ATF7IP2: variants seen among roughly 807,000 people sequenced by gnomAD.
The protein encoded by ATF7IP2 is activating transcription factor 7-interacting protein 2.
Under a neutral mutation model 64.2 loss-of-function variants are expected in ATF7IP2, and 42 were observed. The observed-to-expected ratio is 0.65, with a 90% CI of 0.51 to 0.85. The LOEUF (loss-of-function observed/expected upper bound fraction) is 0.85, where lower values mean the gene tolerates loss of function less well. ATF7IP2 is among the 40% of genes least tolerant of loss of function. The probability of loss-of-function intolerance (pLI) is 0.00; values close to 1 mark genes in which losing one functional copy is unlikely to be tolerated. For missense variants in ATF7IP2, 933 were observed against 784.2 expected (o/e 1.19, Z -2.27); for synonymous variants, 308 against 272.8 (o/e 1.13, Z -1.27).
At chr16:10,425,127 C>T (rs1271791759) in intron 3 of ATF7IP2, among the ~76,000 whole-genome samples, 11 of 147,626 alleles carry the variant, frequency 7.5e-5, no homozygotes, top group Admixed American at 4.8e-4. Flanking sequence ...GGCTCAATCT[C>T]GGCTCACGGC....
At chr16:10,468,115 G>A (rs985095197) in intron 9 of ATF7IP2, among the ~76,000 whole-genome samples, 4 of 148,906 alleles carry the variant, frequency 2.7e-5, no homozygotes, top group African/African-American at 1.0e-4. Context: ...CCCGACCTCA[G>A]GTGATCCTCC....
At chr16:10,477,298 G>A (rs914081261) in intron 12 of ATF7IP2, among the ~76,000 whole-genome samples, 12 of 152,172 alleles carry the variant, frequency 7.9e-5, no homozygotes, top group Non-Finnish European at 1.0e-4. Flanking sequence ...ATTGATTTGC[G>A]TATATTGAAC....
At chr16:10,436,083 G>A (rs1006163794) in intron 6 of ATF7IP2, among the ~76,000 whole-genome samples, 5 of 152,130 alleles carry the variant, frequency 3.3e-5, no homozygotes, top group Non-Finnish European at 4.4e-5. Flanking sequence ...AGTATTGGCC[G>A]GGCGTGGTGG....
intron 8 of ATF7IP2, chr16:10,445,832 A>T (rs778583372): frequency 3.3e-5 from 5 of 152,198 alleles, no homozygotes; most frequent in African/African-American, 7.2e-5. Flanking sequence ...TACATGGGTG[A>T]TTAACTCTTT....
chr16:10,480,635 T>A (rs1288619979), intron 12 of ATF7IP2, among the ~76,000 whole-genome samples: 1 of 150,670 alleles, frequency 6.6e-6, no homozygotes, highest in Non-Finnish European at 1.5e-5. Context: ...TGTAAACCTA[T>A]CTAGTTGCCA....
At chr16:10,460,281 T>A (rs1419901009) in intron 9 of ATF7IP2, among the ~76,000 whole-genome samples, 4 of 152,168 alleles carry the variant, frequency 2.6e-5, no homozygotes, top group African/African-American at 9.6e-5. Flanking sequence ...AAAAATCAAT[T>A]AAAAAGATAT....
intron 8 of ATF7IP2, among the ~76,000 whole-genome samples, chr16:10,442,821 A>G (rs1379874190): frequency 1.3e-5 from 2 of 152,202 alleles, no homozygotes; most frequent in African/African-American, 4.8e-5. Flanking sequence ...CATCCTTAGT[A>G]TAACTGACAA....
intron 1 of ATF7IP2, among the ~76,000 whole-genome samples, chr16:10,411,916 T>C (rs2047768913): frequency 6.7e-6 from 1 of 150,216 alleles, no homozygotes; most frequent in Non-Finnish European, 1.5e-5. Context: ...TTTTTTTTTT[T>C]TTCCTCAGCT....
At chr16:10,464,702 G>A (rs1462959713) in intron 9 of ATF7IP2, among the ~76,000 whole-genome samples, 2 of 152,260 alleles carry the variant, frequency 1.3e-5, no homozygotes, top group East Asian at 1.9e-4. Flanking sequence ...ATTGAATTTC[G>A]TGTGATAAGG....
chr16:10,402,778 TA>T (rs1326056990), intron 1 of ATF7IP2, among the ~76,000 whole-genome samples: 1 of 152,050 alleles, frequency 6.6e-6, no homozygotes, highest in Non-Finnish European at 1.5e-5. Context: ...TTTGGTTTTT[TA>T]AAAATTTGTT....
intron 12 of ATF7IP2, among the ~76,000 whole-genome samples, chr16:10,478,911 C>T (rs1160263511): frequency 2.6e-5 from 4 of 152,222 alleles, no homozygotes; most frequent in Non-Finnish European, 5.9e-5. Flanking sequence ...TGCTCACCAT[C>T]ACTGGCCATC....
At chr16:10,435,340 G>A (rs764921506) in intron 6 of ATF7IP2, among the ~76,000 whole-genome samples, 4 of 152,164 alleles carry the variant, frequency 2.6e-5, no homozygotes, top group Non-Finnish European at 5.9e-5. Context: ...TTCCTTTACA[G>A]TCTTAAGTTA....
intron 1 of ATF7IP2, among the ~76,000 whole-genome samples, chr16:10,389,864 G>T (rs940880644): frequency 6.6e-6 from 1 of 152,192 alleles, no homozygotes; most frequent in African/African-American, 2.4e-5. Context: ...TGGTCATTAT[G>T]AGATTAACTG....
At chr16:10,442,420 G>A (rs2048658873) in intron 8 of ATF7IP2, among the ~76,000 whole-genome samples, 1 of 152,168 alleles carries the variant, frequency 6.6e-6, no homozygotes, top group Admixed American at 6.5e-5. Context: ...TTTTAGTAGG[G>A]GCTGTTTTTA....
chr16:10,468,148 G>T (rs2049651649), intron 9 of ATF7IP2, among the ~76,000 whole-genome samples: 1 of 151,996 alleles, frequency 6.6e-6, no homozygotes, highest in South Asian at 2.1e-4. Flanking sequence ...CCAAAGTGCT[G>T]GGATTACAGG....
chr16:10,482,208 G>A lies in ATF7IP2; in HGVS notation c.2008G>A (p.Asp670Asn), dbSNP rs773023332. ...DIFGRYGPFC[D>N]IKSIPGFSEN... ...TTTTGGACGATATGGACCATTCTGT[G>A]ATATAAAATCTATCCCTGGGTTTTC... The change falls in exon 14 of 14, where the codon GAT becomes AAT. Residue 670 changes from aspartate to asparagine, a missense_variant. Transcript: ENST00000562102. 2 of 1,606,386 alleles carry A rather than the reference G, an allele frequency of 1.2e-6. No individual in the cohort carries two copies. Among genetic ancestry groups the A allele is most frequent in the Admixed American group, 3.4e-5 (2 of 58,302 alleles).
intron 8 of ATF7IP2, chr16:10,454,081 T>G (rs2049084387): frequency 6.6e-6 from 1 of 151,974 alleles, no homozygotes; most frequent in Non-Finnish European, 1.5e-5. Flanking sequence ...GTTATCTAAA[T>G]TATTGAATTC....
At chr16:10,426,125 G>C (rs1293091186) in intron 3 of ATF7IP2, among the ~76,000 whole-genome samples, 1 of 152,170 alleles carries the variant, frequency 6.6e-6, no homozygotes, top group Non-Finnish European at 1.5e-5. Flanking sequence ...AATTATAAAT[G>C]ACTTGAGAAA....
intron 3 of ATF7IP2, among the ~76,000 whole-genome samples, chr16:10,420,447 T>C (rs968968819): frequency 6.6e-6 from 1 of 152,236 alleles, no homozygotes; most frequent in South Asian, 2.1e-4. Context: ...ATTTGGCAAG[T>C]TGGGCATCGC....
Sources: gnomAD v4.1 joint callset for allele counts (sites outside exome capture counted in the v4.1 genomes callset) on GRCh38, gnomAD v4.1.1 for gene constraint, MANE v1.5 for transcripts, NCBI Gene and HGNC (gene_info 2026-07-23, HGNC 2026-07-21) for gene names.